EYS: variants seen among roughly 807,000 people sequenced by gnomAD.
The protein encoded by EYS is protein eyes shut homolog.
Under a neutral mutation model 282.1 loss-of-function variants are expected in EYS, and 250 were observed. The ratio of observed to expected loss-of-function variants is 0.89; its 90% CI spans 0.80 to 0.98. The LOEUF is 0.98. Ranked by LOEUF, EYS falls within the 50% of genes least tolerant of loss-of-function variation. The pLI is 0.00. For missense variants in EYS, 4,016 were observed against 3,709.0 expected, an observed-to-expected ratio of 1.08 and a Z score of -2.15; for synonymous variants, 1,355 against 1,282.9, an observed-to-expected ratio of 1.06 and a Z score of -1.20.
chr6:64,016,920 C>T (rs1582137645), intron 33 of EYS, among the ~76,000 whole-genome samples: 1 of 152,118 alleles, frequency 6.6e-6, no homozygotes, highest in African/African-American at 2.4e-5. Flanking sequence ...GAAGGTATCC[C>T]TGTCTCCACC....
intron 12 of EYS, among the ~76,000 whole-genome samples, chr6:65,176,697 G>A (rs12194054): frequency 0.092 from 13,955 of 151,444 alleles, 724 homozygotes; most frequent in African/African-American, 0.14. Context: ...TCAGTTCCTT[G>A]TCTATAAATT....
chr6:63,727,224 A>AT lies in EYS; in HGVS notation c.8072-545dup, dbSNP rs560826838. ...GAGAGGGAGATGGAAAGTTCTGCAC[A>AT]TTTGGCCAGTTTTTATCCCTATGAA... On this transcript the variant is annotated intron_variant, in intron 41 of 42. Coordinates refer to ENST00000503581, the MANE Select transcript of EYS (RefSeq NM_001142800.2). 3.8e-3 allele frequency among the ~76,000 whole-genome samples: 579 copies of AT among 152,040 alleles called. 4 individuals are homozygous for AT. The highest frequency in any genetic ancestry group is 4.6e-3 in the Non-Finnish European group (313 of 67,986).
intron 5 of EYS, among the ~76,000 whole-genome samples, chr6:65,482,760 G>A (rs1438724123): frequency 2.0e-5 from 3 of 152,156 alleles, no homozygotes; most frequent in Non-Finnish European, 4.4e-5. Context: ...ATCATTGAAT[G>A]CCATTGCAAA....
At chr6:65,358,397 C>A (rs1450402369) in intron 8 of EYS, among the ~76,000 whole-genome samples, 1 of 151,816 alleles carries the variant, frequency 6.6e-6, no homozygotes, top group Non-Finnish European at 1.5e-5. Context: ...TAACTGTTTG[C>A]CTGGGACTTT....
At chr6:63,909,841 G>A (rs1773873271) in intron 35 of EYS, among the ~76,000 whole-genome samples, 1 of 152,102 alleles carries the variant, frequency 6.6e-6, no homozygotes, top group African/African-American at 2.4e-5. Context: ...TCTTCCCCAG[G>A]TAATTCTAAT....
At chr6:64,412,593 G>A (rs1023332944) in intron 28 of EYS, 1 of 152,086 alleles carries the variant, frequency 6.6e-6, no homozygotes, top group African/African-American at 2.4e-5. Context: ...TTGATGTCTA[G>A]TAATATACTC....
At chr6:64,241,194 C>T (rs1766815679) in intron 30 of EYS, among the ~76,000 whole-genome samples, 1 of 152,118 alleles carries the variant, frequency 6.6e-6, no homozygotes, top group Non-Finnish European at 1.5e-5. Flanking sequence ...GGGATATTGG[C>T]CTGAAATTTT....
chr6:64,658,168 C>T (rs1230627999), intron 22 of EYS, among the ~76,000 whole-genome samples: 4 of 152,156 alleles, frequency 2.6e-5, no homozygotes, highest in Non-Finnish European at 5.9e-5. Flanking sequence ...CTTGTGCATT[C>T]GTCACGTAGT....
intron 5 of EYS, among the ~76,000 whole-genome samples, chr6:65,405,914 T>C (rs923308978): frequency 6.6e-6 from 1 of 152,108 alleles, no homozygotes; most frequent in Non-Finnish European, 1.5e-5. Context: ...ATGCTTTTTT[T>C]ATATTTCTTG....
At chr6:64,345,730 A>G (rs1410923758) in intron 29 of EYS, among the ~76,000 whole-genome samples, 1 of 152,200 alleles carries the variant, frequency 6.6e-6, no homozygotes, top group Non-Finnish European at 1.5e-5. Context: ...GAGCTTCTGC[A>G]CAGCAACAGA....
At chr6:64,937,258 T>C (rs1356480613) in intron 15 of EYS, among the ~76,000 whole-genome samples, 2 of 151,516 alleles carry the variant, frequency 1.3e-5, no homozygotes, top group African/African-American at 2.4e-5. Context: ...TTCTTAGCTA[T>C]GATATGAAAA....
At chr6:64,979,109 C>T (rs576215673) in intron 14 of EYS, among the ~76,000 whole-genome samples, 11 of 151,826 alleles carry the variant, frequency 7.2e-5, no homozygotes, top group South Asian at 2.1e-4. Context: ...TAAACAGCAG[C>T]GCTATAAGAT....
intron 30 of EYS, among the ~76,000 whole-genome samples, chr6:64,282,700 T>C (rs2150362167): frequency 6.6e-6 from 1 of 152,266 alleles, no homozygotes; most frequent in East Asian, 1.9e-4. Context: ...TGGTAAACCA[T>C]AATAACTGGA....
intron 24 of EYS, among the ~76,000 whole-genome samples, chr6:64,603,617 A>T (rs1236620665): frequency 6.6e-6 from 1 of 152,034 alleles, no homozygotes; most frequent in Non-Finnish European, 1.5e-5. Context: ...GATGTTATCT[A>T]AGACTCCAGA....
intron 35 of EYS, among the ~76,000 whole-genome samples, chr6:63,870,600 GT>G (rs1439991926): frequency 6.6e-6 from 1 of 151,986 alleles, no homozygotes; most frequent in Non-Finnish European, 1.5e-5. Context: ...CCAATTTTGA[GT>G]TGGAAAAAAA....
chr6:63,985,697 A>T (rs1446617100), intron 34 of EYS, among the ~76,000 whole-genome samples: 1 of 151,590 alleles, frequency 6.6e-6, no homozygotes, highest in African/African-American at 2.4e-5. Context: ...AAGAAATCAC[A>T]TCATCTTATT....
chr6:65,263,796 T>C (rs1363448950), intron 12 of EYS, among the ~76,000 whole-genome samples: 1 of 151,032 alleles, frequency 6.6e-6, no homozygotes, highest in Admixed American at 6.6e-5. Context: ...AGTTACTTGA[T>C]AGGCAGAGGC....
intron 21 of EYS, among the ~76,000 whole-genome samples, chr6:64,814,631 A>G (rs946669710): frequency 6.6e-6 from 1 of 152,076 alleles, no homozygotes; most frequent in Non-Finnish European, 1.5e-5. Context: ...TACCACAAAC[A>G]TGGTATGACA....
At chr6:64,079,508 A>G (rs918975800) in intron 32 of EYS, among the ~76,000 whole-genome samples, 4 of 152,178 alleles carry the variant, frequency 2.6e-5, no homozygotes, top group African/African-American at 9.6e-5. Context: ...TTCAAAGTAG[A>G]GGAGCAAATC....
Sources: allele counts gnomAD v4.1 joint callset (sites outside exome capture counted in the v4.1 genomes callset), GRCh38; gene constraint gnomAD v4.1.1; transcripts MANE v1.5; gene names NCBI Gene and HGNC (gene_info 2026-07-23, HGNC 2026-07-21).